Variants in CEP85L observed in about 807,000 individuals in gnomAD.
CEP85L encodes the protein centrosomal protein of 85 kDa-like.
CEP85L carries 60 observed loss-of-function variants against 100.3 expected under a neutral mutation model. The observed-to-expected ratio is 0.60, with a 90% CI of 0.49 to 0.74. The LOEUF (loss-of-function observed/expected upper bound fraction) is 0.74. CEP85L is among the 30% of genes least tolerant of loss of function. The probability of loss-of-function intolerance (pLI) is 0.00; values close to 1 mark genes in which losing one functional copy is unlikely to be tolerated. For synonymous variants in CEP85L, 319 were observed against 322.7 expected (o/e 0.99, Z 0.12); for missense variants, 973 against 936.2 (o/e 1.04, Z -0.51).
chr6:118,502,424 A>T (rs1775365818), intron 5 of CEP85L: 2 of 528,812 alleles, frequency 3.8e-6, no homozygotes, highest in South Asian at 3.2e-5. Context: ...CCAGGGCCCT[A>T]TAAGAGTTGG....
At chr6:118,695,758 G>A (rs1282094584) in intron 1 of CEP85L, among the ~76,000 whole-genome samples, 1 of 152,156 alleles carries the variant, frequency 6.6e-6, no homozygotes, top group African/African-American at 2.4e-5. Flanking sequence ...TGGCTGTCCA[G>A]ATAAAAAGTA....
intron 4 of CEP85L, among the ~76,000 whole-genome samples, chr6:118,519,330 T>C (rs1776475428): frequency 6.6e-6 from 1 of 151,312 alleles, no homozygotes; most frequent in Non-Finnish European, 1.5e-5. Flanking sequence ...CGCGGGCTAC[T>C]GGGGAAGCTG....
chr6:118,465,624 T>C (rs1772458880), intron 12 of CEP85L, 56 bp from the exon 13 acceptor site: 1 of 1,559,228 alleles, frequency 6.4e-7, no homozygotes, highest in Non-Finnish European at 8.7e-7. Flanking sequence ...AAAGACATTT[T>C]AGAATTTTTC....
At chr6:118,479,761 A>G (rs1773642347) in intron 10 of CEP85L, 110 bp downstream of exon 10, 2 of 510,828 alleles carry the variant, frequency 3.9e-6, no homozygotes, top group Admixed American at 8.7e-5. Context: ...AGTGCTATAA[A>G]TATTATCTTT....
intron 2 of CEP85L, among the ~76,000 whole-genome samples, chr6:118,588,332 T>A (rs1459212285): frequency 6.6e-6 from 1 of 152,214 alleles, no homozygotes; most frequent in Non-Finnish European, 1.5e-5. Flanking sequence ...TCTATTATAA[T>A]GCAATGAGGA....
intron 5 of CEP85L, among the ~76,000 whole-genome samples, chr6:118,492,720 G>A (rs1774656117): frequency 6.6e-6 from 1 of 152,176 alleles, no homozygotes; most frequent in South Asian, 2.1e-4. Context: ...CATTGTGCTA[G>A]GTGCTGGGGA....
At chr6:118,615,084 G>A (rs1305210003) in intron 2 of CEP85L, among the ~76,000 whole-genome samples, 1 of 152,018 alleles carries the variant, frequency 6.6e-6, no homozygotes, top group Non-Finnish European at 1.5e-5. Flanking sequence ...ATACAACGCT[G>A]ATGAGCAAAA....
intron 1 of CEP85L, among the ~76,000 whole-genome samples, chr6:118,657,633 C>T (rs781618493): frequency 9.9e-5 from 15 of 152,158 alleles, no homozygotes; most frequent in African/African-American, 2.4e-4. Flanking sequence ...AAGACAGACA[C>T]GACAGTTTCA....
At chr6:118,476,353 A>G (rs1773372485) in intron 10 of CEP85L, among the ~76,000 whole-genome samples, 1 of 152,070 alleles carries the variant, frequency 6.6e-6, no homozygotes, top group South Asian at 2.1e-4. Flanking sequence ...TTTAGTATTA[A>G]CTTCTGATAA....
At chr6:118,636,481 T>C (rs999322526) in intron 1 of CEP85L, among the ~76,000 whole-genome samples, 1 of 142,964 alleles carries the variant, frequency 7.0e-6, no homozygotes, top group Non-Finnish European at 1.5e-5. Flanking sequence ...ATGTCAAATA[T>C]GTGTGATGGT....
intron 1 of CEP85L, among the ~76,000 whole-genome samples, chr6:118,641,469 T>C (rs1477294206): frequency 6.6e-6 from 1 of 152,202 alleles, no homozygotes; most frequent in Non-Finnish European, 1.5e-5. Context: ...ATATTTAACA[T>C]ACAGGTTAAC....
chr6:118,691,911 C>G (rs10485390), intron 1 of CEP85L, among the ~76,000 whole-genome samples: 33,815 of 151,998 alleles, frequency 0.22, 4,870 homozygotes, highest in Non-Finnish European at 0.32. Context: ...GTTACCTGCA[C>G]TTGGAAGATG....
chr6:118,703,382 A>T (rs1312004450), intron 1 of CEP85L, among the ~76,000 whole-genome samples: 1 of 152,166 alleles, frequency 6.6e-6, no homozygotes, highest in Non-Finnish European at 1.5e-5. Context: ...TTGTTATTCA[A>T]CCATACTTAA....
chr6:118,509,914 T>C lies in CEP85L; in HGVS notation c.1257+1384A>G, dbSNP rs149205160. Among the ~76,000 whole-genome samples the C allele has an allele frequency of 3.4e-3, 513 of 152,212 alleles. 4 individuals are homozygous for C. The highest frequency in any genetic ancestry group is 0.012 in the African/African-American group (496 of 41,566). On this transcript the variant is annotated intron_variant, in intron 5 of 12. Transcript: ENST00000368491. ...GCCATTCCAGTCATATAAATTTTGTTAACGGGCCTCATAGACTCTATATCT... is the reference window on the plus strand; with the variant it reads ...GCCATTCCAGTCATATAAATTTTGTCAACGGGCCTCATAGACTCTATATCT...
At chr6:118,490,279 C>T (rs2114599164) in intron 6 of CEP85L, among the ~76,000 whole-genome samples, 1 of 152,160 alleles carries the variant, frequency 6.6e-6, no homozygotes, top group East Asian at 1.9e-4. Context: ...TACAATATGC[C>T]TATAGTTCTG....
chr6:118,660,919 A>G (rs1290068356), intron 1 of CEP85L, among the ~76,000 whole-genome samples: 1 of 150,602 alleles, frequency 6.6e-6, no homozygotes, highest in Non-Finnish European at 1.5e-5. Flanking sequence ...GGAGTCTCGC[A>G]CTGTCGCCTG....
intron 1 of CEP85L, among the ~76,000 whole-genome samples, chr6:118,673,239 C>G (rs1179601370): frequency 6.6e-6 from 1 of 152,042 alleles, no homozygotes; most frequent in Admixed American, 6.5e-5. Context: ...GAAACAGAGC[C>G]AAATCAGAAG....
chr6:118,642,321 T>C (rs1213893963), intron 1 of CEP85L, among the ~76,000 whole-genome samples: 1 of 152,042 alleles, frequency 6.6e-6, no homozygotes, highest in Non-Finnish European at 1.5e-5. Context: ...AAACAACAGG[T>C]AGCAAAACGG....
intron 1 of CEP85L, among the ~76,000 whole-genome samples, chr6:118,648,334 A>G (rs1251210747): frequency 6.6e-6 from 1 of 152,248 alleles, no homozygotes; most frequent in African/African-American, 2.4e-5. Flanking sequence ...GAAAAGCCAA[A>G]TTAAACTGAA....
Sources: gnomAD v4.1 joint callset for allele counts (sites outside exome capture counted in the v4.1 genomes callset) on GRCh38, gnomAD v4.1.1 for gene constraint, MANE v1.5 for transcripts, NCBI Gene and HGNC (gene_info 2026-07-23, HGNC 2026-07-21) for gene names.